Variants in STK3 observed in about 807,000 individuals in gnomAD.
STK3 encodes the protein serine/threonine kinase 3, also known as serine/threonine-protein kinase 3.
In STK3, 41 loss-of-function variants were observed where a neutral mutation model predicts 58.0. That is an observed-to-expected ratio of 0.71 (90% CI 0.55 to 0.92). The LOEUF (loss-of-function observed/expected upper bound fraction) is 0.92. STK3 is among the 40% of genes least tolerant of loss of function. The pLI is 0.00. For synonymous variants in STK3, 170 were observed against 191.0 expected (o/e 0.89, Z 0.91); for missense variants, 479 against 602.7 (o/e 0.79, Z 2.15).
At chr8:98,686,705 T>C (rs1824024315) in intron 6 of STK3, among the ~76,000 whole-genome samples, 1 of 152,106 alleles carries the variant, frequency 6.6e-6, no homozygotes. Flanking sequence ...ATCTAAGATT[T>C]GAAAGACGGC....
intron 7 of STK3, 173 bp downstream of exon 7, chr8:98,595,859 T>C: frequency 1.7e-6 from 1 of 591,796 alleles, no homozygotes; most frequent in Non-Finnish European, 2.6e-6. Context: ...AAAATGACTC[T>C]GGGGGAAATG....
intron 8 of STK3, among the ~76,000 whole-genome samples, chr8:98,564,320 G>A (rs370473238): frequency 6.6e-6 from 1 of 152,050 alleles, no homozygotes; most frequent in Non-Finnish European, 1.5e-5. Flanking sequence ...ATCATTTAAC[G>A]TCCTCCAGGT....
intron 3 of STK3, among the ~76,000 whole-genome samples, chr8:98,845,790 T>C (rs991011990): frequency 1.3e-5 from 2 of 152,210 alleles, no homozygotes; most frequent in African/African-American, 2.4e-5. Flanking sequence ...CTAAAGTGTA[T>C]TAACTTGCTG....
At chr8:98,796,439 C>G (rs757884411) in intron 1 of STK3, among the ~76,000 whole-genome samples, 3 of 152,016 alleles carry the variant, frequency 2.0e-5, no homozygotes, top group Admixed American at 6.6e-5. Context: ...ACTAGCCATA[C>G]GCAAAAGAAT....
At chr8:98,400,102 C>A (rs1001024928), downstream of STK3, among the ~76,000 whole-genome samples, 1 of 152,166 alleles carries the variant, frequency 6.6e-6, no homozygotes. Context: ...TCCCTCCAGA[C>A]CCATGCTCAG....
Position 98,473,645 on chromosome 8 carries a change from C to CT in STK3, c.1318-17646dup, listed in dbSNP as rs1184425775. Reference sequence around the variant, plus strand: ...TTAGGTCGCCAAAGTTAAATGAATTCTTTTTAGTTTCTATCTTATTTGGCC... The same window carrying CT: ...TTAGGTCGCCAAAGTTAAATGAATTCTTTTTTAGTTTCTATCTTATTTGGCC... On this transcript the variant is annotated intron_variant, in intron 10 of 10. Coordinates refer to ENST00000419617, the MANE Select transcript of STK3 (RefSeq NM_006281.4). 2.5e-4 allele frequency among the ~76,000 whole-genome samples: 38 copies of CT among 152,240 alleles called. 1 individual carries two copies. In the East Asian group the frequency reaches 5.6e-3, roughly 22 times the overall value.
chr8:98,570,096 AATAT>A (rs1386842143), intron 8 of STK3, among the ~76,000 whole-genome samples: 1 of 147,932 alleles, frequency 6.8e-6, no homozygotes, highest in East Asian at 1.9e-4. Flanking sequence ...ATATATAATA[AATAT>A]ATAAATATAT....
intron 2 of STK3, among the ~76,000 whole-genome samples, chr8:98,378,975 A>G (rs1330088076): frequency 6.6e-6 from 1 of 152,074 alleles, no homozygotes. Flanking sequence ...GGTGGGGAGG[A>G]AGCTAGGGCA....
In STK3 at chr8:98,782,729, T is replaced by G. The variant is rs545273063; in HGVS notation, c.27-7910A>C. ...TATCTGCTAAAAAAAAAAAAAAATC[T>G]GAAATATAAATTTTGTTGAATAAGA... On this transcript the variant is annotated intron_variant, in intron 1 of 10. Transcript: ENST00000419617. The G allele has an allele frequency of 2.7e-5, 4 of 150,712 alleles. No homozygotes were observed. In the Admixed American group the frequency reaches 2.7e-4, roughly 10 times the overall value. The allele number at this position is 150,712 out of a possible 1,614,324, so 9.3% of individuals were successfully genotyped here.
chr8:98,377,927 C>T lies in STK3; in HGVS notation n.111+1226G>A, dbSNP rs552710021. On this transcript the variant is annotated intron_variant and non_coding_transcript_variant, in intron 2 of 2. Transcript: ENST00000518704. Reference sequence around the variant, plus strand: ...GTTGAAGCTCCACTGCTCTCTCCTGCCTCTTGTGGGGAAGCCGTGAATGCA... The same window carrying T: ...GTTGAAGCTCCACTGCTCTCTCCTGTCTCTTGTGGGGAAGCCGTGAATGCA... 3.3e-5 allele frequency among the ~76,000 whole-genome samples: 5 copies of T among 152,270 alleles called. No individual in the cohort carries two copies. The East Asian group carries it at 9.7e-4, about 29-fold the overall frequency.
chr8:98,850,240 C>T (rs1836400662), intron 3 of STK3, among the ~76,000 whole-genome samples: 1 of 152,146 alleles, frequency 6.6e-6, no homozygotes, highest in South Asian at 2.1e-4. Context: ...CAGGGACAAT[C>T]ATAGCACACT....
At chr8:98,650,608 C>G (rs1820811643) in intron 6 of STK3, among the ~76,000 whole-genome samples, 1 of 152,232 alleles carries the variant, frequency 6.6e-6, no homozygotes. Context: ...TGACAGAGGG[C>G]ACCTGGAAAA....
chr8:98,525,410 G>T (rs570254503), intron 10 of STK3, among the ~76,000 whole-genome samples: 1 of 147,336 alleles, frequency 6.8e-6, no homozygotes, highest in Admixed American at 6.8e-5. Flanking sequence ...AACAGCAATC[G>T]TACCCTTAAA....
chr8:98,782,817 T>C (rs1270131656), intron 1 of STK3, among the ~76,000 whole-genome samples: 1 of 150,922 alleles, frequency 6.6e-6, no homozygotes, highest in Non-Finnish European at 1.5e-5. Context: ...AAAAGTGTTA[T>C]TTAAATAAAG....
chr8:98,804,268 C>A (rs200992831), intron 1 of STK3, among the ~76,000 whole-genome samples: 1 of 152,202 alleles, frequency 6.6e-6, no homozygotes, highest in African/African-American at 2.4e-5. Flanking sequence ...TCCCAAAGTG[C>A]TGGGATTACA....
intron 3 of STK3, among the ~76,000 whole-genome samples, chr8:98,858,246 G>A (rs1836753391): frequency 7.1e-6 from 1 of 140,994 alleles, no homozygotes; most frequent in Non-Finnish European, 1.5e-5. Context: ...GCCGGATGTG[G>A]TGGCATGCAC....
chr8:98,874,771 T>G (rs550635080), intron 3 of STK3, among the ~76,000 whole-genome samples: 155 of 151,400 alleles, frequency 1.0e-3, no homozygotes, highest in African/African-American at 3.6e-3. Flanking sequence ...GGACTACAGG[T>G]GCACACCATC....
chr8:98,387,869 T>C (rs1194582468), intron 1 of STK3, among the ~76,000 whole-genome samples: 2 of 145,402 alleles, frequency 1.4e-5, no homozygotes, highest in African/African-American at 5.4e-5. Flanking sequence ...CTTTGTAAAA[T>C]GCCCTTTTTT....
In STK3 at chr8:98,528,817, C is replaced by T. The variant is rs541422195; in HGVS notation, c.1142-1900G>A. Among the ~76,000 whole-genome samples, 223 of 152,270 alleles carry T rather than the reference C, an allele frequency of 1.5e-3. 1 individual carries two copies. The highest frequency in any genetic ancestry group is 5.0e-3 in the South Asian group (24 of 4,820). ...AACGTAAAATTGAAATCTTTCCTTC[C>T]GTAATTTACACTCATGTTCCAAATA... On this transcript the variant is annotated intron_variant, in intron 9 of 10. Transcript: ENST00000419617.
Sources: gnomAD v4.1 joint callset for allele counts (sites outside exome capture counted in the v4.1 genomes callset) on GRCh38, gnomAD v4.1.1 for gene constraint, MANE v1.5 for transcripts, NCBI Gene and HGNC (gene_info 2026-07-23, HGNC 2026-07-21) for gene names.